Variants in NDC1 observed in about 807,000 individuals in gnomAD.
NDC1 encodes the protein NDC1 transmembrane nucleoporin, also known as nucleoporin NDC1.
A neutral mutation model predicts 89.8 loss-of-function variants in NDC1; 24 were observed. The ratio of observed to expected loss-of-function variants is 0.27; its 90% CI spans 0.19 to 0.38. The LOEUF (loss-of-function observed/expected upper bound fraction) is 0.38. Ranked by LOEUF, NDC1 falls within the 10% of genes least tolerant of loss-of-function variation. The pLI, the probability that NDC1 is intolerant of heterozygous loss-of-function variation, is 1.00. For missense variants in NDC1, 728 were observed against 797.6 expected (o/e 0.91, Z 1.05); for synonymous variants, 296 against 284.8 (o/e 1.04, Z -0.39).
rs200716754 is a variant in NDC1 at position 53,804,121 on chromosome 1, TG to T, written c.985-113del. The stretch of plus-strand genomic sequence containing the variant: ...AGAGGAAATTAATTAAACTTTTTCA[TG>T]AAAAAAAAAATCTCAGAACCATAAC... On this transcript the variant is annotated intron_variant, in intron 9 of 17. Coordinates refer to ENST00000371429, the MANE Select transcript of NDC1 (RefSeq NM_018087.5). 56 of 789,582 alleles carry T rather than the reference TG, an allele frequency of 7.1e-5. No homozygotes were observed. In the East Asian group the frequency reaches 1.5e-3, roughly 22 times the overall value. The allele number at this position is 789,582 out of a possible 1,614,324, so 48.9% of individuals were successfully genotyped here.
chr1:53,834,486 C>T (rs1649166380), intron 2 of NDC1, among the ~76,000 whole-genome samples: 1 of 152,160 alleles, frequency 6.6e-6, no homozygotes, highest in African/African-American at 2.4e-5. Context: ...GTAAAGAGTC[C>T]AACTCCTTGA....
At chr1:53,827,046 T>G (rs1276017860) in intron 4 of NDC1, among the ~76,000 whole-genome samples, 1 of 152,150 alleles carries the variant, frequency 6.6e-6, no homozygotes, top group Non-Finnish European at 1.5e-5. Flanking sequence ...ATTTCCTTTT[T>G]CATAGTAGTC....
At chr1:53,835,385 T>C (rs1570244846) in intron 2 of NDC1, 115 bp downstream of exon 2, 1 of 687,030 alleles carries the variant, frequency 1.5e-6, no homozygotes. Flanking sequence ...GTGAATGTTT[T>C]GATGTGTCAA....
In NDC1 at chr1:53,838,217, G is replaced by C. The variant is rs767468558; in HGVS notation, c.45C>G (p.Asp15Glu). Residue 15 changes from aspartate (D) to glutamate (E), a missense_variant, in exon 1 of 18, where the codon GAC becomes GAG. Physicochemically the swap from Asp to Glu is conservative, Grantham distance 45. Transcript: ENST00000371429. ...ACGCCGCACTCACGCGCCACAGTAT[G>C]TCCCGCGACCTGCCGGCGCAGGGCC... ...VSRPCAGRSRDILWRVLGWRI... is the reference protein window; with the variant it reads ...VSRPCAGRSREILWRVLGWRI... 8.5e-6 allele frequency: 13 copies of C among 1,535,724 alleles called. No individual in the cohort carries two copies. In the South Asian group the frequency reaches 1.2e-4, roughly 14 times the overall value.
Position 53,838,225 on chromosome 1 carries a change from A to G in NDC1, c.37T>C (p.Ser13Pro), listed in dbSNP as rs1294650296. 6.5e-7 allele frequency: 1 copy of G among 1,536,198 alleles called. No homozygotes were observed. ...CTCACGCGCCACAGTATGTCCCGCG[A>G]CCTGCCGGCGCAGGGCCGGCTCACG... is the stretch of plus-strand genomic sequence containing the variant. ...TAVSRPCAGR[S>P]RDILWRVLGW... Residue 13 changes from serine to proline, a missense_variant, in exon 1 of 18, where the codon TCG becomes CCG. Transcript: ENST00000371429.
In NDC1 at chr1:53,768,313, G is replaced by A. The variant is rs115842751; in HGVS notation, c.1962-280C>T. ...AACCTGCTCTGCTATGGAACCTGCT[G>A]TGCGGAGTTCCAGGCCTTGGAGTAG... On this transcript the variant is annotated intron_variant, in intron 17 of 17. Transcript: ENST00000371429. Among the ~76,000 whole-genome samples the A allele has an allele frequency of 4.1e-3, 623 of 152,328 alleles. 8 individuals are homozygous for A. Among genetic ancestry groups the A allele is most frequent in the Non-Finnish European group, 2.6e-3 (176 of 68,026 alleles).
intron 9 of NDC1, 48 bp from the exon 10 acceptor site, chr1:53,804,057 C>T (rs1180797762): frequency 9.0e-6 from 12 of 1,339,406 alleles, no homozygotes; most frequent in Admixed American, 1.8e-5. Flanking sequence ...TTAACCTCTA[C>T]ATAAAATCTC....
At chr1:53,787,880 A>C (rs987761155) in intron 15 of NDC1, among the ~76,000 whole-genome samples, 4 of 150,760 alleles carry the variant, frequency 2.7e-5, no homozygotes, top group African/African-American at 4.9e-5. Flanking sequence ...AAAAAAAAAA[A>C]AAACATGTGG....
chr1:53,815,818 G>A (rs1184317133), intron 6 of NDC1, among the ~76,000 whole-genome samples: 1 of 152,032 alleles, frequency 6.6e-6, no homozygotes, highest in African/African-American at 2.4e-5. Flanking sequence ...GTGACCAAGT[G>A]GAGAATCAAA....
intron 6 of NDC1, among the ~76,000 whole-genome samples, chr1:53,815,773 T>C (rs754525633): frequency 2.6e-5 from 4 of 152,202 alleles, no homozygotes; most frequent in Non-Finnish European, 5.9e-5. Context: ...ACAAGATTAA[T>C]GCACACAAAT....
intron 16 of NDC1, among the ~76,000 whole-genome samples, chr1:53,775,955 CTTTTTTT>C (rs1204999638): frequency 7.4e-6 from 1 of 135,634 alleles, no homozygotes; most frequent in Non-Finnish European, 1.6e-5. Context: ...TCTGAAATTC[CTTTTTTT>C]TTTTTTTTTT....
intron 6 of NDC1, among the ~76,000 whole-genome samples, chr1:53,812,947 T>C (rs1411258108): frequency 6.6e-6 from 1 of 152,236 alleles, no homozygotes; most frequent in Non-Finnish European, 1.5e-5. Flanking sequence ...ATTGGGGCTC[T>C]ATCTTCAGCC....
At chr1:53,816,230 G>A (rs1480253396) in intron 6 of NDC1, among the ~76,000 whole-genome samples, 2 of 152,106 alleles carry the variant, frequency 1.3e-5, no homozygotes, top group Admixed American at 6.6e-5. Flanking sequence ...AAAACAGAGC[G>A]GTACTGGTGT....
intron 10 of NDC1, among the ~76,000 whole-genome samples, chr1:53,803,438 T>G (rs569603307): frequency 6.6e-6 from 1 of 152,306 alleles, no homozygotes; most frequent in South Asian, 2.1e-4. Flanking sequence ...TTCTTCAGGT[T>G]AAGGAAATGA....
At chr1:53,788,080 A>G (rs1029074779) in intron 15 of NDC1, among the ~76,000 whole-genome samples, 2 of 152,180 alleles carry the variant, frequency 1.3e-5, no homozygotes, top group Non-Finnish European at 2.9e-5. Flanking sequence ...AAGATATAAA[A>G]GAATCCAGGC....
chr1:53,768,087 A>C, intron 17 of NDC1, 54 bp from the exon 18 acceptor site: 1 of 1,150,104 alleles, frequency 8.7e-7, no homozygotes, highest in South Asian at 1.4e-5. Flanking sequence ...AAGCATATTA[A>C]GTGAACCACA....
rs903385891 is a variant in NDC1, at chr1:53,797,278, T to A, written c.1223-134A>T. 4.9e-6 allele frequency: 4 copies of A among 810,846 alleles called. No individual in the cohort carries two copies. In the African/African-American group the frequency reaches 6.8e-5, roughly 14 times the overall value. 50.2% of individuals were successfully genotyped at this position (810,846 alleles called of 1,614,324 possible). A position where few individuals can be genotyped will look rare whatever the true frequency, so the allele number is the denominator to read the frequency against. ...AAGCTCAGTAGATTGTTTCCATTTA[T>A]GATTATAGTCTCAAGATTCGATTTT... is the stretch of plus-strand genomic sequence containing the variant. On this transcript the variant is annotated intron_variant, in intron 11 of 17. Coordinates refer to ENST00000371429, the MANE Select transcript of NDC1 (RefSeq NM_018087.5).
chr1:53,797,699 G>C (rs551495913), intron 11 of NDC1, among the ~76,000 whole-genome samples: 1 of 150,956 alleles, frequency 6.6e-6, no homozygotes, highest in African/African-American at 2.4e-5. Context: ...GTGTAATCTC[G>C]GCTCACTGCA....
intron 3 of NDC1, among the ~76,000 whole-genome samples, chr1:53,829,527 A>G (rs915993676): frequency 6.6e-6 from 1 of 152,206 alleles, no homozygotes; most frequent in Non-Finnish European, 1.5e-5. Flanking sequence ...CTTACCATCC[A>G]ATGTACTGTA....
Sources: allele counts gnomAD v4.1 joint callset (sites outside exome capture counted in the v4.1 genomes callset), GRCh38; gene constraint gnomAD v4.1.1; transcripts MANE v1.5; gene names NCBI Gene and HGNC (gene_info 2026-07-23, HGNC 2026-07-21).